Variants in SOX6 observed in about 807,000 individuals in gnomAD.
SOX6 encodes the protein SRY-box transcription factor 6.
In SOX6, 11 loss-of-function variants were observed where a neutral mutation model predicts 97.8. The ratio of observed to expected loss-of-function variants is 0.11; its 90% confidence interval spans 0.07 to 0.19. SOX6 has a LOEUF of 0.19. Among genes scored for constraint, SOX6 ranks in the 10% least tolerant of loss-of-function variants. The pLI, the probability that SOX6 is intolerant of heterozygous loss-of-function variation, is 1.00. For synonymous variants in SOX6, 360 were observed against 371.4 expected, an observed-to-expected ratio of 0.97 and a Z score of 0.35; for missense variants, 810 against 1,039.5, an observed-to-expected ratio of 0.78 and a Z score of 3.04.
At chr11:16,347,766 A>G (rs1209030381) in intron 1 of SOX6, among the ~76,000 whole-genome samples, 1 of 152,120 alleles carries the variant, frequency 6.6e-6, no homozygotes, top group Non-Finnish European at 1.5e-5. Context: ...ATACTTTTCC[A>G]TCCTTAACTC....
intron 4 of SOX6, among the ~76,000 whole-genome samples, chr11:16,200,781 C>T (rs1002556456): frequency 6.6e-6 from 1 of 151,942 alleles, no homozygotes; most frequent in African/African-American, 2.4e-5. Context: ...TTCTCCAAAC[C>T]TATAACAGTT....
intron 6 of SOX6, among the ~76,000 whole-genome samples, chr11:16,170,541 G>A (rs1392546862): frequency 6.6e-6 from 1 of 151,934 alleles, no homozygotes; most frequent in African/African-American, 2.4e-5. Flanking sequence ...ATTTTGTAAA[G>A]TGACGGTACA....
chr11:15,998,053 C>T (rs962176305), intron 13 of SOX6, among the ~76,000 whole-genome samples: 5 of 151,164 alleles, frequency 3.3e-5, no homozygotes, highest in African/African-American at 1.2e-4. Context: ...GCACTCCAGC[C>T]TGGGCAATAG....
chr11:16,059,893 A>T (rs1431895359), intron 9 of SOX6, among the ~76,000 whole-genome samples: 1 of 151,974 alleles, frequency 6.6e-6, no homozygotes, highest in East Asian at 1.9e-4. Context: ...CAGTGAAAAA[A>T]AGTTCTATAC....
chr11:16,701,180 G>A (rs1848090324), intron 3 of SOX6, among the ~76,000 whole-genome samples: 1 of 152,186 alleles, frequency 6.6e-6, no homozygotes, highest in Admixed American at 6.5e-5. Flanking sequence ...AGGAATTAGT[G>A]TGAACAATGC....
At chr11:16,213,069 T>C (rs1199722116) in intron 4 of SOX6, among the ~76,000 whole-genome samples, 1 of 152,156 alleles carries the variant, frequency 6.6e-6, no homozygotes, top group Non-Finnish European at 1.5e-5. Flanking sequence ...ATCTTAATCC[T>C]GAACTTTTGT....
At chr11:16,055,081 A>G (rs900566609) in intron 10 of SOX6, among the ~76,000 whole-genome samples, 1 of 152,200 alleles carries the variant, frequency 6.6e-6, no homozygotes, top group African/African-American at 2.4e-5. Flanking sequence ...CTCATTCCTT[A>G]AAGCCCACAT....
chr11:15,982,296 C>A (rs1349883399), intron 15 of SOX6, among the ~76,000 whole-genome samples: 1 of 151,942 alleles, frequency 6.6e-6, no homozygotes, highest in Non-Finnish European at 1.5e-5. Context: ...TTGCATTTTT[C>A]AATTTAATAG....
chr11:16,052,908 A>T (rs1015128807), intron 10 of SOX6, among the ~76,000 whole-genome samples: 4 of 152,086 alleles, frequency 2.6e-5, no homozygotes, highest in Non-Finnish European at 5.9e-5. Flanking sequence ...GTCCTTTGTG[A>T]ATCTTGCAGC....
At chr11:16,165,743 C>T (rs1850871317) in intron 6 of SOX6, among the ~76,000 whole-genome samples, 1 of 151,840 alleles carries the variant, frequency 6.6e-6, no homozygotes, top group African/African-American at 2.4e-5. Flanking sequence ...ACTAAAAGTA[C>T]AAAAATTAGC....
intron 7 of SOX6, among the ~76,000 whole-genome samples, chr11:16,106,463 T>C (rs1849089028): frequency 6.6e-6 from 1 of 151,814 alleles, no homozygotes; most frequent in African/African-American, 2.4e-5. Flanking sequence ...TTGACAAAGG[T>C]GCAAAAACCA....
At chr11:16,601,681 T>C (rs1848272051) in intron 4 of SOX6, among the ~76,000 whole-genome samples, 1 of 152,166 alleles carries the variant, frequency 6.6e-6, no homozygotes, top group Non-Finnish European at 1.5e-5. Flanking sequence ...GTACCTACTA[T>C]ACTAATTGAA....
chr11:16,638,062 C>T (rs181608698), intron 3 of SOX6, among the ~76,000 whole-genome samples: 2 of 108,662 alleles, frequency 1.8e-5, no homozygotes, highest in Non-Finnish European at 3.5e-5. Flanking sequence ...TCCCTCCCCC[C>T]ACCCCTCAAC....
At chr11:16,137,476 G>A (rs1022233144) in intron 6 of SOX6, among the ~76,000 whole-genome samples, 1 of 152,138 alleles carries the variant, frequency 6.6e-6, no homozygotes, top group Non-Finnish European at 1.5e-5. Context: ...TGGGTTGTAA[G>A]AGAGTAAGAC....
At chr11:16,154,258 G>T (rs1850538871) in intron 6 of SOX6, among the ~76,000 whole-genome samples, 1 of 152,024 alleles carries the variant, frequency 6.6e-6, no homozygotes, top group African/African-American at 2.4e-5. Flanking sequence ...TGAAAAAAAA[G>T]TAAGAAGCAC....
intron 6 of SOX6, among the ~76,000 whole-genome samples, chr11:16,159,525 T>C (rs1850688124): frequency 6.6e-6 from 1 of 152,076 alleles, no homozygotes; most frequent in Non-Finnish European, 1.5e-5. Context: ...TGATGTGAAC[T>C]TGTGAACTGA....
chr11:16,145,676 C>CA (rs1850273501), intron 6 of SOX6, among the ~76,000 whole-genome samples: 1 of 152,142 alleles, frequency 6.6e-6, no homozygotes, highest in Non-Finnish European at 1.5e-5. Context: ...AATCAATGTA[C>CA]AAAAATCACA....
chr11:16,050,577 C>T (rs1002561878), intron 10 of SOX6, among the ~76,000 whole-genome samples: 1 of 152,148 alleles, frequency 6.6e-6, no homozygotes, highest in African/African-American at 2.4e-5. Flanking sequence ...GTTACACATA[C>T]TATGCTATAT....
chr11:16,301,928 C>T (rs143618021), intron 3 of SOX6, among the ~76,000 whole-genome samples: 296 of 152,156 alleles, frequency 1.9e-3, no homozygotes, highest in Admixed American at 4.2e-3. Context: ...AAATGCAAAC[C>T]TTTTCCCCAA....
Sources: gnomAD v4.1 joint callset for allele counts (sites outside exome capture counted in the v4.1 genomes callset) on GRCh38, gnomAD v4.1.1 for gene constraint, MANE v1.5 for transcripts, NCBI Gene and HGNC (gene_info 2026-07-23, HGNC 2026-07-21) for gene names.